BAG4: variants seen among roughly 807,000 people sequenced by gnomAD.
BAG4 encodes BAG cochaperone 4.
Under a neutral mutation model 52.1 loss-of-function variants are expected in BAG4, and 28 were observed. The observed-to-expected ratio is 0.54, with a 90% CI of 0.40 to 0.74. The LOEUF (loss-of-function observed/expected upper bound fraction) is 0.74, where lower values mean the gene tolerates loss of function less well. BAG4 is among the 30% of genes least tolerant of loss of function. The probability of loss-of-function intolerance (pLI) is 0.00; values close to 1 mark genes in which losing one functional copy is unlikely to be tolerated. For missense variants in BAG4, 525 were observed against 572.0 expected, an observed-to-expected ratio of 0.92 and a Z score of 0.84; for synonymous variants, 208 against 217.0, an observed-to-expected ratio of 0.96 and a Z score of 0.37.
At chr8:38,187,894 G>A (rs1462841664) in intron 1 of BAG4, among the ~76,000 whole-genome samples, 16 of 149,546 alleles carry the variant, frequency 1.1e-4, no homozygotes, top group Admixed American at 2.7e-4. Context: ...AAAATTAGCC[G>A]GGCGTGGTGG....
intron 1 of BAG4, among the ~76,000 whole-genome samples, chr8:38,191,243 G>A (rs376870753): frequency 6.6e-6 from 1 of 151,956 alleles, no homozygotes; most frequent in African/African-American, 2.4e-5. Flanking sequence ...TATAATACCC[G>A]CATAACAGTA....
intron 1 of BAG4, among the ~76,000 whole-genome samples, chr8:38,190,276 G>A (rs1379000232): frequency 2.0e-5 from 3 of 152,060 alleles, no homozygotes; most frequent in Non-Finnish European, 4.4e-5. Flanking sequence ...AATTAAGATA[G>A]TAATATCACT....
At chr8:38,196,080 C>T (rs1418257736) in intron 2 of BAG4, among the ~76,000 whole-genome samples, 1 of 152,196 alleles carries the variant, frequency 6.6e-6, no homozygotes, top group Non-Finnish European at 1.5e-5. Context: ...TACCAAATTT[C>T]ATCAATTGAT....
intron 1 of BAG4, among the ~76,000 whole-genome samples, chr8:38,184,635 T>C (rs1158865822): frequency 6.6e-6 from 1 of 152,044 alleles, no homozygotes; most frequent in East Asian, 1.9e-4. Flanking sequence ...TGAATGGCAT[T>C]GCGGTGTTGA....
Position 38,192,778 on chromosome 8 carries a change from C to T in BAG4, c.361C>T (p.Pro121Ser), listed in dbSNP as rs1585657467. 6.2e-7 allele frequency: 1 copy of T among 1,607,660 alleles called. No individual in the cohort carries two copies. Among genetic ancestry groups the T allele is most frequent in the Non-Finnish European group, 8.5e-7 (1 of 1,176,768 alleles). Residue 121 changes from proline (P) to serine (S), a missense_variant, in exon 2 of 5, where the codon CCA (proline) becomes TCA (serine). Pro to Ser is a moderately conservative substitution (Grantham distance 74). This residue lies in a region of BAG4 where 287 missense variants were observed against 266.1 expected (regional missense o/e 1.08). Coordinates refer to ENST00000287322, the MANE Select transcript of BAG4 (RefSeq NM_004874.4). Reference sequence around the variant, plus strand: ...TTACCCAAGTACATATCCTGTAAGACCAGAATTGCAAGGCCAGGTATGGTT... The same window carrying T: ...TTACCCAAGTACATATCCTGTAAGATCAGAATTGCAAGGCCAGGTATGGTT... Reference protein sequence around the residue: ...APYPSTYPVRPELQGQSLNSY... With the variant: ...APYPSTYPVRSELQGQSLNSY...
Position 38,209,168 on chromosome 8 carries a change from A to G in BAG4, c.789A>G (p.Ser263=). 1 of 1,614,138 alleles carries G rather than the reference A, an allele frequency of 6.2e-7. No homozygotes were observed. The highest frequency in any genetic ancestry group is 8.5e-7 in the Non-Finnish European group (1 of 1,180,022). Residue 263 remains serine (S), a synonymous_variant, in exon 4 of 5, where the codon TCA becomes TCG. Coordinates refer to ENST00000287322, the MANE Select transcript of BAG4 (RefSeq NM_004874.4). The stretch of plus-strand genomic sequence containing the variant: ...ATCCCTGGCCTTCATCAGCGCCCTC[A>G]GCACCACCCGGCAATCTCTACATGA... ...GRYPWPSSAP[S]APPGNLYMTE... is the part of the protein sequence containing the mutation.
At chr8:38,200,823 C>A (rs1388376158) in intron 2 of BAG4, among the ~76,000 whole-genome samples, 1 of 152,106 alleles carries the variant, frequency 6.6e-6, no homozygotes, top group African/African-American at 2.4e-5. Flanking sequence ...GTCTCGAACT[C>A]CGGACCTCAG....
chr8:38,206,762 T>C lies in BAG4; in HGVS notation c.379-750T>C, dbSNP rs529571098. 5.9e-5 allele frequency among the ~76,000 whole-genome samples: 9 copies of C among 152,100 alleles called. No individual in the cohort carries two copies. In the East Asian group the frequency reaches 1.7e-3, roughly 29 times the overall value. ...GGCAGAGCTAGGTCTGTCTCTATAG[T>C]CTTTTTAAATAATTTTTTTGTTTTC... On this transcript the variant is annotated intron_variant, in intron 2 of 4. Coordinates refer to ENST00000287322, the MANE Select transcript of BAG4 (RefSeq NM_004874.4).
At chr8:38,199,562 C>T (rs1329214102) in intron 2 of BAG4, among the ~76,000 whole-genome samples, 6 of 148,356 alleles carry the variant, frequency 4.0e-5, no homozygotes, top group African/African-American at 1.5e-4. Flanking sequence ...CTCGCTCTGT[C>T]GCCCAGGCTG....
At position 38,177,033 on chromosome 8, in the gene BAG4, G is replaced by A; in HGVS notation, c.164G>A (p.Gly55Asp). ...QPPISWRVRG[G>D]GPAETTWLGE... ...CCCATTTCCTGGCGGGTGCGCGGGG[G>A]CGGCCCGGCGGAGACCACCTGGCTG... Residue 55 changes from glycine (G) to aspartate (D), a missense_variant, in exon 1 of 5, where the codon GGC (glycine) becomes GAC (aspartate). This residue lies in a region of BAG4 where 287 missense variants were observed against 266.1 expected (regional missense o/e 1.08). Transcript: ENST00000287322. 6.2e-7 allele frequency: 1 copy of A among 1,604,198 alleles called. No homozygotes were observed. Among genetic ancestry groups the A allele is most frequent in the Non-Finnish European group, 8.5e-7 (1 of 1,175,750 alleles).
intron 1 of BAG4, among the ~76,000 whole-genome samples, chr8:38,184,295 T>G (rs1187712079): frequency 6.6e-6 from 1 of 151,756 alleles, no homozygotes; most frequent in Non-Finnish European, 1.5e-5. Context: ...GGCAAAATCC[T>G]GTCTCTACAA....
Position 38,192,727 on chromosome 8 carries a change from A to G in BAG4, c.310A>G (p.Asn104Asp), listed in dbSNP as rs754115309. ...PYPSYNSNYWNSTARSRAPYP... is the reference protein window; with the variant it reads ...PYPSYNSNYWDSTARSRAPYP... ...TCCTAGCTACAATTCTAACTATTGGAATTCTACTGCGAGATCTAGGGCTCC... is the reference window on the plus strand; with the variant it reads ...TCCTAGCTACAATTCTAACTATTGGGATTCTACTGCGAGATCTAGGGCTCC... Residue 104 changes from asparagine to aspartate, a missense_variant, in exon 2 of 5, where the codon AAT becomes GAT. By Grantham distance (23) the Asn-to-Asp change is conservative. Transcript: ENST00000287322. 6.2e-7 allele frequency: 1 copy of G among 1,613,406 alleles called. No individual in the cohort carries two copies. The highest frequency in any genetic ancestry group is 1.1e-5 in the South Asian group (1 of 90,938).
At chr8:38,205,770 A>G (rs1803760128) in intron 2 of BAG4, among the ~76,000 whole-genome samples, 1 of 152,162 alleles carries the variant, frequency 6.6e-6, no homozygotes, top group South Asian at 2.1e-4. Context: ...CTAAAGTGGG[A>G]AAGATTATAT....
At chr8:38,209,987 T>C (rs182944999) in intron 4 of BAG4, 21 bp from the exon 5 acceptor site, 1 of 1,604,514 alleles carries the variant, frequency 6.2e-7, no homozygotes, top group Non-Finnish European at 8.5e-7. Flanking sequence ...TCTTTTCCTC[T>C]TTTTGCTCTC....
Position 38,209,126 on chromosome 8 carries a change from T to C in BAG4, c.747T>C (p.Tyr249=). 6.2e-7 allele frequency: 1 copy of C among 1,614,182 alleles called. No homozygotes were observed. The highest frequency in any genetic ancestry group is 8.5e-7 in the Non-Finnish European group (1 of 1,180,034). The change falls in exon 4 of 5, where the codon TAT becomes TAC. Residue 249 remains tyrosine, a synonymous_variant. Transcript: ENST00000287322. ...ATGCGTGGGCTTCTCCTGGTGCTTATGGAATGGGTGGCCGTTATCCCTGGC... is the reference window on the plus strand; with the variant it reads ...ATGCGTGGGCTTCTCCTGGTGCTTACGGAATGGGTGGCCGTTATCCCTGGC... ...QEDAWASPGA[Y]GMGGRYPWPS...
intron 1 of BAG4, among the ~76,000 whole-genome samples, chr8:38,183,017 G>T (rs531119498): frequency 6.9e-6 from 1 of 144,308 alleles, no homozygotes; most frequent in Non-Finnish European, 1.5e-5. Flanking sequence ...CCACAACTGA[G>T]CTATACATAC....
rs1212042248 is a variant in BAG4, at chr8:38,176,864, G to T, written c.-6G>T. ...GGGCGGGAAGCGCTTCAGGGCAGCG[G>T]ATCCCATGTCGGCCCTGAGGCGCTC... On this transcript the variant is annotated 5_prime_UTR_variant, in exon 1 of 5. Coordinates refer to ENST00000287322, the MANE Select transcript of BAG4 (RefSeq NM_004874.4). 6.7e-7 allele frequency: 1 copy of T among 1,502,468 alleles called. No individual in the cohort carries two copies. The highest frequency in any genetic ancestry group is 8.9e-7 in the Non-Finnish European group (1 of 1,123,924). The allele number at this position is 1,502,468 out of a possible 1,614,324, so 93.1% of individuals were successfully genotyped here. A position where few individuals can be genotyped will look rare whatever the true frequency, so the allele number is the denominator to read the frequency against.
At chr8:38,207,161 C>T (rs1453389728) in intron 2 of BAG4, among the ~76,000 whole-genome samples, 2 of 152,054 alleles carry the variant, frequency 1.3e-5, no homozygotes, top group Non-Finnish European at 2.9e-5. Context: ...CCATTTTGGC[C>T]AGGCTGGTCT....
At chr8:38,189,863 G>T (rs972160154) in intron 1 of BAG4, among the ~76,000 whole-genome samples, 7 of 152,030 alleles carry the variant, frequency 4.6e-5, no homozygotes, top group African/African-American at 1.7e-4. Context: ...TGTTGCCCAG[G>T]CTGGAGTGCA....
Sources: allele counts gnomAD v4.1 joint callset (sites outside exome capture counted in the v4.1 genomes callset), GRCh38; gene constraint gnomAD v4.1.1; regional missense constraint gnomAD v4.1.1; transcripts MANE v1.5; gene names NCBI Gene and HGNC (gene_info 2026-07-23, HGNC 2026-07-21).